MYH7B: variants seen among roughly 807,000 people sequenced by gnomAD.
The protein encoded by MYH7B is myosin-7B.
In MYH7B, 205 loss-of-function variants were observed where a neutral mutation model predicts 234.5. The observed-to-expected ratio is 0.87, with a 90% CI of 0.78 to 0.98. The LOEUF (loss-of-function observed/expected upper bound fraction) is 0.98, where lower values mean the gene tolerates loss of function less well. MYH7B is among the 50% of genes least tolerant of loss of function. The pLI is 0.00. For synonymous variants in MYH7B, 1,193 were observed against 1,105.0 expected (o/e 1.08, Z -1.58); for missense variants, 2,652 against 2,633.4 (o/e 1.01, Z -0.15).
intron 1 of MYH7B, among the ~76,000 whole-genome samples, chr20:34,957,376 G>A (rs1231484456): frequency 1.3e-5 from 2 of 152,122 alleles, no homozygotes; most frequent in Non-Finnish European, 2.9e-5. Context: ...AGCCAGTGCA[G>A]CAGCTGTGGA....
chr20:34,975,769 G>A (rs947938442), intron 3 of MYH7B, among the ~76,000 whole-genome samples: 1 of 152,186 alleles, frequency 6.6e-6, no homozygotes, highest in African/African-American at 2.4e-5. Context: ...AGGCTGGAGT[G>A]CAGTGGTGCC....
At chr20:34,984,129 T>A (rs978091419) in intron 10 of MYH7B, among the ~76,000 whole-genome samples, 1 of 152,234 alleles carries the variant, frequency 6.6e-6, no homozygotes, top group Non-Finnish European at 1.5e-5. Flanking sequence ...TCTCCTCATT[T>A]GCAAATTAGG....
chr20:34,994,418 C>T lies in MYH7B; in HGVS notation c.2700+17C>T. ...CTGCAGGCTGTGAGTCAGGGTTCCCCTTGTGACCGGGCGTCCCCAGCCCCG... is the reference window on the plus strand; with the variant it reads ...CTGCAGGCTGTGAGTCAGGGTTCCCTTTGTGACCGGGCGTCCCCAGCCCCG... On this transcript the variant is annotated intron_variant, in intron 27 of 44. Coordinates refer to ENST00000262873, the Ensembl canonical transcript of MYH7B. The T allele has an allele frequency of 6.4e-7, 1 of 1,553,880 alleles. No homozygotes were observed. The highest frequency in any genetic ancestry group is 2.3e-5 in the East Asian group (1 of 44,248).
At chr20:34,957,335 A>G (rs2081648951) in intron 1 of MYH7B, among the ~76,000 whole-genome samples, 3 of 152,164 alleles carry the variant, frequency 2.0e-5, no homozygotes, top group African/African-American at 7.2e-5. Flanking sequence ...GAGAAAGCAG[A>G]GAGAGTTAAG....
At chr20:34,994,257 TGAG>T (rs776024543) in exon 27 of MYH7B, 23 of 1,612,996 alleles carry the variant, frequency 1.4e-5, no homozygotes, top group Admixed American at 3.3e-5. Context: ...CGGCGCAGGC[TGAG>T]GAGGAGCTGG....
exon 30 of MYH7B, chr20:34,996,645 G>A: frequency 6.2e-7 from 1 of 1,613,156 alleles, no homozygotes; most frequent in Non-Finnish European, 8.5e-7. Flanking sequence ...AGAAGAAGCT[G>A]CGCATGGACA....
chr20:34,956,392 G>C (rs760775976), intron 1 of MYH7B, among the ~76,000 whole-genome samples: 2 of 152,150 alleles, frequency 1.3e-5, no homozygotes, highest in Non-Finnish European at 1.5e-5. Flanking sequence ...TTTACATCAG[G>C]ATCTGGGGCA....
chr20:34,997,338 G>T lies in MYH7B; in HGVS notation c.3445G>T (p.Glu1149Ter). The T allele has an allele frequency of 6.5e-7, 1 of 1,542,502 alleles. No homozygotes were observed. The highest frequency in any genetic ancestry group is 8.7e-7 in the Non-Finnish European group (1 of 1,146,082). Residue 1149 changes from glutamate (E) to a stop codon, truncating the protein, a stop_gained, in exon 32 of 45, where the codon GAG (glutamate) becomes TAG (stop). Coordinates refer to ENST00000262873, the Ensembl canonical transcript of MYH7B. LOFTEE classifies it high-confidence loss of function. The stretch of plus-strand genomic sequence containing the variant: ...GAAGCAGCGTGCAGAGGCGGCGCGG[G>T]AGCTGGAGGAGCTGAGCGAGCGGCT...
At chr20:34,966,085 T>C (rs1347873788) in intron 2 of MYH7B, among the ~76,000 whole-genome samples, 3 of 113,370 alleles carry the variant, frequency 2.6e-5, no homozygotes, top group Non-Finnish European at 5.5e-5. Flanking sequence ...GGTCGGGGGG[T>C]GGGGAGAATT....
At position 34,997,656 on chromosome 20, in the gene MYH7B, T is replaced by C; in HGVS notation, c.3747+16T>C. The stretch of plus-strand genomic sequence containing the variant: ...CCGCGCCAAGGTGTCCGTGCCTTCC[T>C]CACCCCATACCCACCCTGACTTTAA... On this transcript the variant is annotated intron_variant, in intron 32 of 44. Coordinates refer to ENST00000262873, the Ensembl canonical transcript of MYH7B. 1 of 1,612,450 alleles carries C rather than the reference T, an allele frequency of 6.2e-7. No homozygotes were observed. The highest frequency in any genetic ancestry group is 1.3e-5 in the African/African-American group (1 of 74,880).
chr20:34,984,590 C>T, intron 10 of MYH7B, 102 bp from the exon 11 acceptor site: 1 of 1,039,640 alleles, frequency 9.6e-7, no homozygotes, highest in South Asian at 1.4e-5. Flanking sequence ...TAACTCCACC[C>T]CCCTGTCCTG....
intron 38 of MYH7B, 81 bp downstream of exon 38, chr20:34,999,987 C>T: frequency 7.6e-7 from 1 of 1,322,640 alleles, no homozygotes; most frequent in Non-Finnish European, 1.1e-6. Context: ...TCTAGTCTGT[C>T]CCTCCCATGG....
intron 22 of MYH7B, 138 bp from the exon 23 acceptor site, chr20:34,990,600 C>A: frequency 1.2e-6 from 1 of 803,886 alleles, no homozygotes; most frequent in Non-Finnish European, 2.1e-6. Context: ...AAGGGTCTCC[C>A]ATCACCAGAA....
At position 34,986,205 on chromosome 20, in the gene MYH7B, G is replaced by A. The variant is rs780455370; in HGVS notation, c.904+7G>A. ...AGGAAGCCAGAGCTGCAGGGTGAGG[G>A]GCAGTACGATGAAGGGGGTGGGAGT... On this transcript the variant is annotated splice_region_variant and intron_variant, in intron 14 of 44. Coordinates refer to ENST00000262873, the Ensembl canonical transcript of MYH7B. 1.3e-6 allele frequency: 2 copies of A among 1,583,734 alleles called. No homozygotes were observed. The highest frequency in any genetic ancestry group is 1.7e-6 in the Non-Finnish European group (2 of 1,163,250).
chr20:34,967,622 A>G (rs1010562074), intron 2 of MYH7B, among the ~76,000 whole-genome samples: 69 of 151,756 alleles, frequency 4.5e-4, no homozygotes, highest in South Asian at 6.3e-4. Context: ...TCCCCACTCC[A>G]CCAGGTTAGG....
intron 2 of MYH7B, among the ~76,000 whole-genome samples, chr20:34,961,605 A>G (rs1205455866): frequency 1.3e-5 from 2 of 152,224 alleles, no homozygotes; most frequent in Non-Finnish European, 2.9e-5. Context: ...GAATATTTTC[A>G]TCACCACAGA....
At chr20:34,990,059 C>G (rs778623639) in exon 21 of MYH7B, 2 of 1,614,050 alleles carry the variant, frequency 1.2e-6, no homozygotes, top group African/African-American at 2.7e-5. Flanking sequence ...CAAGGATCCC[C>G]TGAATGAGAC....
intron 2 of MYH7B, among the ~76,000 whole-genome samples, 72 bp downstream of exon 2, chr20:34,958,284 G>A (rs996316395): frequency 1.3e-5 from 2 of 152,258 alleles, no homozygotes; most frequent in African/African-American, 4.8e-5. Context: ...TGTTCAAGGT[G>A]ACCCAGTTTG....
intron 43 of MYH7B, chr20:35,001,739 T>A: frequency 1.1e-6 from 1 of 904,246 alleles, no homozygotes; most frequent in Non-Finnish European, 1.6e-6. Flanking sequence ...TGGGGCTGCC[T>A]CTGAGGGGTG....
Sources: allele counts gnomAD v4.1 joint callset (sites outside exome capture counted in the v4.1 genomes callset), GRCh38; gene constraint gnomAD v4.1.1; transcripts MANE v1.5; gene names NCBI Gene and HGNC (gene_info 2026-07-23, HGNC 2026-07-21).